Variants in MBNL1 observed in about 807,000 individuals in gnomAD.
The protein encoded by MBNL1 is muscleblind like splicing regulator 1.
Under a neutral mutation model 42.2 loss-of-function variants are expected in MBNL1, and 8 were observed. The observed-to-expected ratio is 0.19, with a 90% CI of 0.11 to 0.34. The LOEUF (loss-of-function observed/expected upper bound fraction) is 0.34, where lower values mean the gene tolerates loss of function less well. MBNL1 is among the 10% of genes least tolerant of loss of function. MBNL1 has a pLI of 1.00. For missense variants in MBNL1, 309 were observed against 495.3 expected (o/e 0.62, Z 3.57); for synonymous variants, 169 against 173.9 (o/e 0.97, Z 0.22).
intron 6 of MBNL1, among the ~76,000 whole-genome samples, chr3:152,452,296 C>A (rs1462961657): frequency 2.0e-5 from 3 of 152,118 alleles, no homozygotes; most frequent in African/African-American, 7.2e-5. Flanking sequence ...TACACCATTT[C>A]TTTTTTCGTT....
At chr3:152,401,679 A>G (rs547524929) in intron 2 of MBNL1, among the ~76,000 whole-genome samples, 1 of 152,218 alleles carries the variant, frequency 6.6e-6, no homozygotes, top group Non-Finnish European at 1.5e-5. Context: ...CTTTCATTGC[A>G]CTAAACTATA....
intron 5 of MBNL1, chr3:152,446,858 T>C (rs1025562451): frequency 4.2e-5 from 43 of 1,013,138 alleles, no homozygotes; most frequent in East Asian, 4.0e-4. Context: ...TTTTCTGTTA[T>C]AGAGTTGTAA....
chr3:152,266,972 A>G (rs1324146933), upstream of MBNL1: 2 of 152,202 alleles, frequency 1.3e-5, no homozygotes, highest in African/African-American at 2.4e-5. Flanking sequence ...GAGACTCGTT[A>G]GATCAACACA....
At chr3:152,396,467 C>T (rs1189767077) in intron 2 of MBNL1, among the ~76,000 whole-genome samples, 2 of 152,010 alleles carry the variant, frequency 1.3e-5, no homozygotes, top group African/African-American at 4.8e-5. Context: ...TGATCTTAGG[C>T]AAATCCTTTC....
upstream of MBNL1, chr3:152,268,277 G>A (rs78570212): frequency 5.1e-3 from 846 of 165,580 alleles, 13 homozygotes; most frequent in East Asian, 0.039. Context: ...GTGCCTGTGT[G>A]ACAGTTTCAC....
chr3:152,306,510 T>G (rs753064184), intron 2 of MBNL1, among the ~76,000 whole-genome samples: 2 of 152,204 alleles, frequency 1.3e-5, no homozygotes, highest in Non-Finnish European at 2.9e-5. Flanking sequence ...CAGGCTCCTT[T>G]TAAGCAAAGG....
chr3:152,315,427 G>C (rs2070224746), intron 2 of MBNL1, among the ~76,000 whole-genome samples: 1 of 152,278 alleles, frequency 6.6e-6, no homozygotes, highest in Admixed American at 6.5e-5. Flanking sequence ...GATGTGTTGT[G>C]TATGTTGGTG....
intron 3 of MBNL1, among the ~76,000 whole-genome samples, chr3:152,432,402 C>A (rs1264165621): frequency 6.6e-6 from 1 of 151,380 alleles, no homozygotes; most frequent in Admixed American, 6.6e-5. Flanking sequence ...ATTAGATGAC[C>A]ACAAGAAGTT....
intron 2 of MBNL1, chr3:152,340,708 G>A (rs774915719): frequency 5.0e-6 from 8 of 1,614,024 alleles, no homozygotes; most frequent in Non-Finnish European, 6.8e-6. Flanking sequence ...GTAAACGGGA[G>A]AACTCAAATG....
intron 1 of MBNL1, among the ~76,000 whole-genome samples, chr3:152,273,521 A>G (rs186811371): frequency 1.2e-3 from 187 of 152,326 alleles, no homozygotes; most frequent in African/African-American, 4.2e-3. Context: ...TGTAACACAC[A>G]TCTTGAAATA....
intron 4 of MBNL1, among the ~76,000 whole-genome samples, chr3:152,443,190 C>CA (rs1028579744): frequency 1.0e-3 from 104 of 103,124 alleles, no homozygotes; most frequent in Admixed American, 1.7e-3. Context: ...ACCCCCCCCC[C>CA]CACACACACA....
At chr3:152,347,589 T>C (rs887857641) in intron 2 of MBNL1, among the ~76,000 whole-genome samples, 9 of 152,102 alleles carry the variant, frequency 5.9e-5, no homozygotes, top group African/African-American at 2.2e-4. Flanking sequence ...TCAGGAGCTT[T>C]ACAACAAAGA....
At chr3:152,449,847 G>A (rs1241047564) in intron 6 of MBNL1, among the ~76,000 whole-genome samples, 1 of 152,140 alleles carries the variant, frequency 6.6e-6, no homozygotes, top group Admixed American at 6.5e-5. Context: ...ACTCATGCCT[G>A]TAATCCTAGC....
chr3:152,341,214 A>T (rs1024600730), intron 2 of MBNL1, among the ~76,000 whole-genome samples: 3 of 152,182 alleles, frequency 2.0e-5, no homozygotes, highest in African/African-American at 4.8e-5. Context: ...ATAATTTTTT[A>T]AAATGTGTGG....
chr3:152,358,005 G>GTA (rs1458861893), intron 2 of MBNL1, among the ~76,000 whole-genome samples: 1 of 152,106 alleles, frequency 6.6e-6, no homozygotes, highest in Non-Finnish European at 1.5e-5. Flanking sequence ...GTGTGTGTGT[G>GTA]TGTGCGCACG....
chr3:152,307,533 T>A (rs1202120579), intron 2 of MBNL1, among the ~76,000 whole-genome samples: 1 of 152,250 alleles, frequency 6.6e-6, no homozygotes, highest in Non-Finnish European at 1.5e-5. Flanking sequence ...TTTCATTTTT[T>A]TCATAGTATT....
intron 2 of MBNL1, among the ~76,000 whole-genome samples, chr3:152,413,359 C>T (rs2153636478): frequency 6.6e-6 from 1 of 152,258 alleles, no homozygotes; most frequent in South Asian, 2.1e-4. Flanking sequence ...TAATTCAGTA[C>T]TAGATAGAGA....
intron 1 of MBNL1, chr3:152,298,992 T>C (rs1221811369): frequency 6.6e-6 from 1 of 152,530 alleles, no homozygotes; most frequent in African/African-American, 2.4e-5. Context: ...AACTGCATGT[T>C]GGGTAAATTC....
intron 1 of MBNL1, among the ~76,000 whole-genome samples, chr3:152,286,734 A>C (rs1255396519): frequency 6.6e-6 from 1 of 151,834 alleles, no homozygotes; most frequent in African/African-American, 2.4e-5. Flanking sequence ...TTTATATGAT[A>C]GTTCATTAGA....
Sources: gnomAD v4.1 joint callset for allele counts (sites outside exome capture counted in the v4.1 genomes callset) on GRCh38, gnomAD v4.1.1 for gene constraint, MANE v1.5 for transcripts, NCBI Gene and HGNC (gene_info 2026-07-23, HGNC 2026-07-21) for gene names.